Variants in LOC128706665 observed in about 807,000 individuals in gnomAD.
chr20:10,427,093 G>A, the LOC128706665 span, among the ~76,000 whole-genome samples: 4 of 124,400 alleles, frequency 3.2e-5, no homozygotes, highest in African/African-American at 1.2e-4. Context: ...GTAAGGTTAA[G>A]GGCAAAAAGG....
the LOC128706665 span, among the ~76,000 whole-genome samples, chr20:10,417,813 C>T: frequency 6.6e-6 from 1 of 151,824 alleles, no homozygotes; most frequent in Non-Finnish European, 1.5e-5. Context: ...ATGAAAGTAG[C>T]CTCTTGATAT....
chr20:10,419,395 T>C, the LOC128706665 span, among the ~76,000 whole-genome samples: 4 of 152,278 alleles, frequency 2.6e-5, no homozygotes, highest in South Asian at 2.1e-4. Flanking sequence ...TATAACGCTA[T>C]ATTATAGTAA....
At chr20:10,424,701 G>A in the LOC128706665 span, among the ~76,000 whole-genome samples, 3 of 152,212 alleles carry the variant, frequency 2.0e-5, no homozygotes, top group South Asian at 6.2e-4. Flanking sequence ...ATATTTTGGG[G>A]ATACAATTTA....
the LOC128706665 span, among the ~76,000 whole-genome samples, chr20:10,417,057 G>T: frequency 6.6e-6 from 1 of 152,048 alleles, no homozygotes; most frequent in African/African-American, 2.4e-5. Context: ...AAGATCACCT[G>T]GCCAACATGG....
chr20:10,427,433 C>A, the LOC128706665 span, among the ~76,000 whole-genome samples: 1 of 152,146 alleles, frequency 6.6e-6, no homozygotes, highest in African/African-American at 2.4e-5. Context: ...ATATTAAAAA[C>A]CAATTAACCC....
At chr20:10,428,801 G>A in the LOC128706665 span, among the ~76,000 whole-genome samples, 2 of 151,942 alleles carry the variant, frequency 1.3e-5, no homozygotes, top group South Asian at 2.1e-4. Flanking sequence ...TCGAGATCGC[G>A]CCATTGCACT....
chr20:10,432,789 C>CAAAAA, the LOC128706665 span, among the ~76,000 whole-genome samples: 17,147 of 74,318 alleles, frequency 0.23, 3,785 homozygotes, highest in Non-Finnish European at 0.32. Context: ...GACTCTTTGT[C>CAAAAA]AAAAAAAAAA....
the LOC128706665 span, among the ~76,000 whole-genome samples, chr20:10,433,181 C>T: frequency 6.6e-6 from 1 of 152,194 alleles, no homozygotes; most frequent in Non-Finnish European, 1.5e-5. Context: ...TTTTTTTGTA[C>T]TTTTAGCAGA....
At chr20:10,422,965 C>A in the LOC128706665 span, among the ~76,000 whole-genome samples, 1 of 152,142 alleles carries the variant, frequency 6.6e-6, no homozygotes, top group East Asian at 1.9e-4. Flanking sequence ...CTCGCCTCGG[C>A]CTCCCAAAGT....
At chr20:10,419,277 T>C in the LOC128706665 span, among the ~76,000 whole-genome samples, 26 of 152,312 alleles carry the variant, frequency 1.7e-4, no homozygotes, top group Non-Finnish European at 3.5e-4. Flanking sequence ...CACAGTTCTT[T>C]ATCTGAAACT....
At chr20:10,433,815 G>A in the LOC128706665 span, among the ~76,000 whole-genome samples, 6 of 152,162 alleles carry the variant, frequency 3.9e-5, no homozygotes, top group Non-Finnish European at 5.9e-5. Flanking sequence ...AGGCGGCAGC[G>A]CAGGTGGGAG....
chr20:10,416,318 T>G, the LOC128706665 span, among the ~76,000 whole-genome samples: 1 of 151,704 alleles, frequency 6.6e-6, no homozygotes, highest in African/African-American at 2.4e-5. Context: ...AAAGAATGAT[T>G]ATAGGTATGA....
the LOC128706665 span, among the ~76,000 whole-genome samples, chr20:10,422,768 G>A: frequency 3.3e-5 from 5 of 150,424 alleles, no homozygotes; most frequent in East Asian, 9.8e-4. Context: ...CTGTAGTGCA[G>A]TGGTGCGATC....
At chr20:10,434,156 C>G in the LOC128706665 span, 2 of 152,638 alleles carry the variant, frequency 1.3e-5, no homozygotes, top group Non-Finnish European at 2.9e-5. Context: ...CCAGAGGCCC[C>G]AGAAACAGAT....
the LOC128706665 span, among the ~76,000 whole-genome samples, chr20:10,429,757 G>A: frequency 3.3e-5 from 5 of 152,106 alleles, no homozygotes; most frequent in South Asian, 4.2e-4. Flanking sequence ...CCAGACCCTC[G>A]CGCCCTCACA....
chr20:10,426,398 C>T, the LOC128706665 span, among the ~76,000 whole-genome samples: 2 of 150,694 alleles, frequency 1.3e-5, no homozygotes, highest in Non-Finnish European at 2.9e-5. Flanking sequence ...GGCATCATGC[C>T]TGGCATGTTG....
the LOC128706665 span, among the ~76,000 whole-genome samples, chr20:10,424,667 C>G: frequency 6.6e-6 from 1 of 152,040 alleles, no homozygotes; most frequent in African/African-American, 2.4e-5. Flanking sequence ...TAAACTCTTG[C>G]AGAGCTTTTA....
At chr20:10,416,133 G>A in the LOC128706665 span, among the ~76,000 whole-genome samples, 2 of 151,770 alleles carry the variant, frequency 1.3e-5, no homozygotes, top group African/African-American at 4.8e-5. Context: ...ATTCTTGGAT[G>A]CACGGGCTTG....
chr20:10,425,847 C>G, the LOC128706665 span, among the ~76,000 whole-genome samples: 1 of 152,148 alleles, frequency 6.6e-6, no homozygotes, highest in Admixed American at 6.5e-5. Context: ...ACTGCCCTTT[C>G]TTTCTTTCCT....
Sources: gnomAD v4.1 joint callset for allele counts (sites outside exome capture counted in the v4.1 genomes callset) on GRCh38, gnomAD v4.1.1 for gene constraint, MANE v1.5 for transcripts.